The following CACNA2D1 variants were observed in gnomAD, a reference collection of about 807,000 sequenced individuals.
CACNA2D1 encodes calcium voltage-gated channel auxiliary subunit alpha2delta 1.
In CACNA2D1, 53 loss-of-function variants were observed where a neutral mutation model predicts 171.5. The observed-to-expected ratio is 0.31, with a 90% CI of 0.25 to 0.39. CACNA2D1 has a LOEUF of 0.39. CACNA2D1 is among the 10% of genes least tolerant of loss of function. The probability of loss-of-function intolerance (pLI) is 1.00; values close to 1 mark genes in which losing one functional copy is unlikely to be tolerated. For synonymous variants in CACNA2D1, 442 were observed against 443.1 expected (o/e 1.00, Z 0.03); for missense variants, 903 against 1,299.8 (o/e 0.69, Z 4.69).
chr7:82,089,369 AG>A (rs1168964812), intron 6 of CACNA2D1, among the ~76,000 whole-genome samples: 1 of 152,202 alleles, frequency 6.6e-6, no homozygotes, highest in African/African-American at 2.4e-5. Flanking sequence ...TCAACTTTTA[AG>A]AAATGAAGAT....
chr7:82,428,275 C>A lies in CACNA2D1; in HGVS notation c.95+15090G>T, dbSNP rs193066589. Among the ~76,000 whole-genome samples, 148 of 152,226 alleles carry A rather than the reference C, an allele frequency of 9.7e-4. 1 individual carries two copies. The highest frequency in any genetic ancestry group is 3.4e-3 in the Middle Eastern group (1 of 292). On this transcript the variant is annotated intron_variant, in intron 1 of 38. Transcript: ENST00000356860. ...ATTATAGGAGACCTGTGTAACTTGA[C>A]AGGAATCTGTACTGATTTAGTGAAC...
intron 7 of CACNA2D1, among the ~76,000 whole-genome samples, chr7:82,077,180 G>A (rs1270918319): frequency 2.0e-5 from 3 of 152,094 alleles, no homozygotes; most frequent in Non-Finnish European, 4.4e-5. Flanking sequence ...AAACACAAAT[G>A]TCCATATAGT....
chr7:82,271,682 C>T (rs1469476464), intron 3 of CACNA2D1, among the ~76,000 whole-genome samples: 1 of 151,986 alleles, frequency 6.6e-6, no homozygotes, highest in African/African-American at 2.4e-5. Context: ...AAAAAATAAG[C>T]TTTAGATGCA....
intron 3 of CACNA2D1, among the ~76,000 whole-genome samples, chr7:82,257,754 C>G (rs969980706): frequency 6.6e-6 from 1 of 152,174 alleles, no homozygotes; most frequent in Non-Finnish European, 1.5e-5. Context: ...TAAAAAAATA[C>G]TGGTGTAAGA....
At chr7:82,237,337 A>G (rs992127861) in intron 3 of CACNA2D1, among the ~76,000 whole-genome samples, 1 of 151,958 alleles carries the variant, frequency 6.6e-6, no homozygotes, top group African/African-American at 2.4e-5. Context: ...AAGCTAGATC[A>G]GCAAATTTTT....
rs181201912 is a variant in CACNA2D1, at chr7:82,355,973, C to T, written c.96-6324G>A. ...TTCCCCCCTCCCCATACTATAAACCCTCTATGTCCCTTCTCGTTGTTGGAA... is the reference window on the plus strand; with the variant it reads ...TTCCCCCCTCCCCATACTATAAACCTTCTATGTCCCTTCTCGTTGTTGGAA... On this transcript the variant is annotated intron_variant, in intron 1 of 38. Coordinates refer to ENST00000356860, the MANE Select transcript of CACNA2D1 (RefSeq NM_000722.4). 2.6e-5 allele frequency among the ~76,000 whole-genome samples: 4 copies of T among 152,118 alleles called. No homozygotes were observed. In the East Asian group the frequency reaches 7.7e-4, roughly 29 times the overall value.
At chr7:82,232,861 CAAAAAAAAAAAAAAA>C (rs71093370) in intron 3 of CACNA2D1, among the ~76,000 whole-genome samples, 4 of 52,450 alleles carry the variant, frequency 7.6e-5, no homozygotes, top group African/African-American at 2.0e-4. Flanking sequence ...GAGATGTCTC[CAAAAAAAAAAAAAAA>C]AAAAAAAAAA....
At chr7:82,262,114 G>A (rs537491187) in intron 3 of CACNA2D1, among the ~76,000 whole-genome samples, 29 of 152,280 alleles carry the variant, frequency 1.9e-4, no homozygotes, top group African/African-American at 6.0e-4. Flanking sequence ...GGCAGATCAC[G>A]AGGTCAGGAG....
chr7:82,292,400 C>T (rs1811755281), intron 3 of CACNA2D1, among the ~76,000 whole-genome samples: 1 of 152,176 alleles, frequency 6.6e-6, no homozygotes, highest in Non-Finnish European at 1.5e-5. Flanking sequence ...TTCTTTAAAA[C>T]AATCCATGTA....
chr7:82,053,775 G>GTAT (rs1290072435), intron 10 of CACNA2D1, among the ~76,000 whole-genome samples: 1 of 152,154 alleles, frequency 6.6e-6, no homozygotes, highest in African/African-American at 2.4e-5. Flanking sequence ...ATTAATGGAG[G>GTAT]TATTTTAATA....
At chr7:82,079,270 C>A (rs147997917) in intron 7 of CACNA2D1, among the ~76,000 whole-genome samples, 277 of 152,302 alleles carry the variant, frequency 1.8e-3, no homozygotes, top group African/African-American at 6.4e-3. Context: ...GCATTGTTAT[C>A]CTCCTTGTTT....
intron 24 of CACNA2D1, among the ~76,000 whole-genome samples, chr7:81,981,152 T>C (rs1245828214): frequency 1.3e-5 from 2 of 152,130 alleles, no homozygotes; most frequent in Non-Finnish European, 2.9e-5. Flanking sequence ...AGAGAACACA[T>C]GGGTGGCTTG....
intron 1 of CACNA2D1, among the ~76,000 whole-genome samples, chr7:82,361,343 G>GT (rs1454127306): frequency 1.3e-5 from 2 of 152,096 alleles, no homozygotes; most frequent in African/African-American, 4.8e-5. Flanking sequence ...TAAAAATAAT[G>GT]TTTATCAAAT....
chr7:82,316,973 A>T (rs187390095), intron 3 of CACNA2D1, among the ~76,000 whole-genome samples: 1 of 152,196 alleles, frequency 6.6e-6, no homozygotes, highest in South Asian at 2.1e-4. Flanking sequence ...CAGCCAAACC[A>T]TATCAATCTG....
intron 1 of CACNA2D1, among the ~76,000 whole-genome samples, chr7:82,396,079 A>G (rs989469202): frequency 6.6e-6 from 1 of 152,166 alleles, no homozygotes; most frequent in Non-Finnish European, 1.5e-5. Flanking sequence ...CCTATGCATA[A>G]CTCAAGATAA....
At chr7:82,105,983 ACATTATT>A (rs747230411) in intron 6 of CACNA2D1, among the ~76,000 whole-genome samples, 1 of 152,194 alleles carries the variant, frequency 6.6e-6, no homozygotes, top group Non-Finnish European at 1.5e-5. Context: ...TTTTAAAATA[ACATTATT>A]CATTAAACTA....
At chr7:82,227,668 C>T (rs1364136050) in intron 3 of CACNA2D1, among the ~76,000 whole-genome samples, 1 of 152,180 alleles carries the variant, frequency 6.6e-6, no homozygotes, top group Admixed American at 6.5e-5. Flanking sequence ...CTGACTTCTG[C>T]TCTGCTACTT....
At chr7:81,976,388 T>C (rs968296135) in intron 24 of CACNA2D1, among the ~76,000 whole-genome samples, 15 of 152,204 alleles carry the variant, frequency 9.9e-5, no homozygotes, top group Non-Finnish European at 1.6e-4. Context: ...GGAATGTTTT[T>C]CCATTTGTTT....
At chr7:82,229,848 C>T (rs866740394) in intron 3 of CACNA2D1, among the ~76,000 whole-genome samples, 52 of 152,042 alleles carry the variant, frequency 3.4e-4, no homozygotes, top group African/African-American at 1.2e-3. Context: ...TACTTTGAGT[C>T]TCTACCAAAT....
Sources: allele counts gnomAD v4.1 joint callset (sites outside exome capture counted in the v4.1 genomes callset), GRCh38; gene constraint gnomAD v4.1.1; transcripts MANE v1.5; gene names NCBI Gene and HGNC (gene_info 2026-07-23, HGNC 2026-07-21).